IL1RAPL2: variants seen among roughly 807,000 people sequenced by gnomAD.
IL1RAPL2 encodes interleukin 1 receptor accessory protein like 2, also known as X-linked interleukin-1 receptor accessory protein-like 2.
IL1RAPL2 carries 3 observed loss-of-function variants against 44.1 expected under a neutral mutation model. The ratio of observed to expected loss-of-function variants is 0.07; its 90% CI spans 0.03 to 0.18. IL1RAPL2 has a LOEUF of 0.18. IL1RAPL2 is among the 10% of genes least tolerant of loss of function. IL1RAPL2 has a pLI of 1.00. For synonymous variants in IL1RAPL2, 181 were observed against 178.8 expected, an observed-to-expected ratio of 1.01 and a Z score of -0.10; for missense variants, 391 against 496.4, an observed-to-expected ratio of 0.79 and a Z score of 2.02.
chrX:105,260,952 CCT>C (rs1395770346), intron 4 of IL1RAPL2, among the ~76,000 whole-genome samples: 1 of 112,119 alleles, frequency 8.9e-6, no homozygotes, highest in African/African-American at 3.2e-5. Context: ...CTGGGTTCAG[CCT>C]CTTTCCTAGG....
At chrX:105,013,617 G>A (rs1425733011) in intron 2 of IL1RAPL2, among the ~76,000 whole-genome samples, 1 of 110,318 alleles carries the variant, frequency 9.1e-6, no homozygotes, top group Non-Finnish European at 1.9e-5. Context: ...CTTCTGGAGA[G>A]CAGTGCTCCA....
intron 2 of IL1RAPL2, among the ~76,000 whole-genome samples, chrX:105,186,642 G>A (rs1299900941): frequency 8.9e-6 from 1 of 111,776 alleles, no homozygotes; most frequent in Non-Finnish European, 1.9e-5. Context: ...ATGGAATCAC[G>A]AGTTCTGGAG....
At chrX:104,879,149 G>A (rs983494528) in intron 2 of IL1RAPL2, among the ~76,000 whole-genome samples, 20 of 109,958 alleles carry the variant, frequency 1.8e-4, no homozygotes, top group Non-Finnish European at 2.7e-4. Flanking sequence ...ATTAATTTGT[G>A]CATATTTAAT....
chrX:105,207,896 A>G (rs1214217422), intron 3 of IL1RAPL2, among the ~76,000 whole-genome samples: 2 of 112,504 alleles, frequency 1.8e-5, no homozygotes, highest in South Asian at 3.7e-4. Flanking sequence ...TCCATCATAC[A>G]TGAGGGAAAG....
At chrX:104,754,319 T>C (rs1042229127) in intron 2 of IL1RAPL2, among the ~76,000 whole-genome samples, 1 of 112,017 alleles carries the variant, frequency 8.9e-6, no homozygotes, top group Non-Finnish European at 1.9e-5. Flanking sequence ...GTTTTTACAA[T>C]TTAAATATGA....
In IL1RAPL2 at chrX:105,704,295, C is replaced by T. The variant is rs210433; in HGVS notation, c.773-13072C>T. 6.7e-3 allele frequency among the ~76,000 whole-genome samples: 744 copies of T among 111,190 alleles called. 9 individuals carry two copies. Among genetic ancestry groups the T allele is most frequent in the South Asian group, 0.057 (150 of 2,627 alleles). On this transcript the variant is annotated intron_variant, in intron 6 of 10. Transcript: ENST00000372582. ...TAAAACACATACACAACTTTTTCAC[C>T]GAGTTGCTAAAATATTTGAGTAAGA...
chrX:105,730,526 A>G (rs1047741026), intron 7 of IL1RAPL2, among the ~76,000 whole-genome samples: 1 of 111,526 alleles, frequency 9.0e-6, no homozygotes, highest in African/African-American at 3.2e-5. Flanking sequence ...CTAATAGACA[A>G]TTGCAGAATG....
chrX:105,233,759 G>A, intron 3 of IL1RAPL2, 59 bp from the exon 4 acceptor site: 2 of 968,753 alleles, frequency 2.1e-6, no homozygotes, highest in Admixed American at 5.3e-5. Context: ...AATATATAGA[G>A]CACAAACAAA....
At chrX:105,519,219 G>A (rs779073407) in intron 6 of IL1RAPL2, among the ~76,000 whole-genome samples, 3 of 111,595 alleles carry the variant, frequency 2.7e-5, no homozygotes, top group African/African-American at 9.8e-5. Flanking sequence ...ATATACACGT[G>A]TATATTGGGG....
chrX:105,642,971 A>C, intron 6 of IL1RAPL2, among the ~76,000 whole-genome samples: 1 of 113,099 alleles, frequency 8.8e-6, no homozygotes, highest in Middle Eastern at 4.6e-3. Context: ...TTGACTGACA[A>C]AGCTCTGTCC....
intron 6 of IL1RAPL2, among the ~76,000 whole-genome samples, chrX:105,606,744 G>T (rs1293647500): frequency 9.0e-6 from 1 of 111,436 alleles, no homozygotes; most frequent in Non-Finnish European, 1.9e-5. Flanking sequence ...GTCATTTGCG[G>T]CTACATGGAT....
At chrX:105,089,234 T>A (rs186658553) in intron 2 of IL1RAPL2, among the ~76,000 whole-genome samples, 2 of 111,421 alleles carry the variant, frequency 1.8e-5, no homozygotes, top group Non-Finnish European at 3.8e-5. Flanking sequence ...TCTACATGCA[T>A]AATTAGACAC....
chrX:105,094,494 A>T (rs191386265), intron 2 of IL1RAPL2, among the ~76,000 whole-genome samples: 2,749 of 107,893 alleles, frequency 0.025, 31 homozygotes, highest in Non-Finnish European at 0.041. Flanking sequence ...ATTGACCATA[A>T]ATGTGTATGT....
intron 5 of IL1RAPL2, among the ~76,000 whole-genome samples, chrX:105,294,249 A>G (rs971313448): frequency 1.8e-5 from 2 of 112,348 alleles, no homozygotes; most frequent in African/African-American, 6.5e-5. Flanking sequence ...CTGTTCTGTA[A>G]GAGAATGGGA....
intron 2 of IL1RAPL2, among the ~76,000 whole-genome samples, chrX:104,968,663 A>G (rs1418137341): frequency 1.8e-5 from 2 of 111,747 alleles, no homozygotes; most frequent in African/African-American, 6.5e-5. Flanking sequence ...CCTTAGAGTT[A>G]ATGATAGTTT....
At chrX:104,573,263 A>G (rs2147989279) in intron 1 of IL1RAPL2, among the ~76,000 whole-genome samples, 1 of 112,416 alleles carries the variant, frequency 8.9e-6, no homozygotes, top group South Asian at 3.7e-4. Flanking sequence ...GCTCTATTCA[A>G]TAAATATGCA....
Position 104,958,201 on chromosome X carries a change from T to C in IL1RAPL2, c.83-237274T>C, listed in dbSNP as rs777373271. On this transcript the variant is annotated intron_variant, in intron 2 of 10. Coordinates refer to ENST00000372582, the MANE Select transcript of IL1RAPL2 (RefSeq NM_017416.2). ...TCATTTTTGTACCAGGCTCCACAAA[T>C]TATATAGCCAGTCCTTGCCCTTGGT... Among the ~76,000 whole-genome samples the C allele has an allele frequency of 1.1e-4, 12 of 111,375 alleles. No homozygotes were observed. In the East Asian group the frequency reaches 3.4e-3, roughly 32 times the overall value.
chrX:105,418,178 C>T (rs1013447885), intron 5 of IL1RAPL2, among the ~76,000 whole-genome samples: 4 of 110,002 alleles, frequency 3.6e-5, no homozygotes, highest in African/African-American at 1.0e-4. Context: ...GGCCTACAAC[C>T]GTGTCTGGCT....
intron 2 of IL1RAPL2, among the ~76,000 whole-genome samples, chrX:104,993,505 G>A (rs1256406811): frequency 1.8e-5 from 2 of 111,614 alleles, no homozygotes; most frequent in Non-Finnish European, 3.8e-5. Context: ...CTTAAATTTT[G>A]TTTACTATTA....
Sources: allele counts gnomAD v4.1 joint callset (sites outside exome capture counted in the v4.1 genomes callset), GRCh38; gene constraint gnomAD v4.1.1; transcripts MANE v1.5; gene names NCBI Gene and HGNC (gene_info 2026-07-23, HGNC 2026-07-21).